The following INSR variants were observed in gnomAD, a reference collection of about 807,000 sequenced individuals.
The protein encoded by INSR is insulin receptor, also known as IR.
INSR carries 67 observed loss-of-function variants against 142.6 expected under a neutral mutation model. The observed-to-expected ratio is 0.47, with a 90% CI of 0.39 to 0.58. The LOEUF (loss-of-function observed/expected upper bound fraction) is 0.58. INSR is among the 20% of genes least tolerant of loss of function. The pLI is 0.00. For missense variants in INSR, 1,248 were observed against 1,833.2 expected (o/e 0.68, Z 5.83); for synonymous variants, 756 against 743.1 (o/e 1.02, Z -0.28).
intron 2 of INSR, among the ~76,000 whole-genome samples, chr19:7,205,414 A>T (rs1975081887): frequency 6.6e-6 from 1 of 152,198 alleles, no homozygotes; most frequent in Non-Finnish European, 1.5e-5. Context: ...CAGAGCACCA[A>T]ATGCCAACTT....
intron 11 of INSR, among the ~76,000 whole-genome samples, chr19:7,148,153 A>G (rs558681993): frequency 5.9e-5 from 9 of 152,200 alleles, no homozygotes; most frequent in Non-Finnish European, 1.3e-4. Context: ...ACCTCAGGTG[A>G]TCTGCCTGCC....
At chr19:7,276,338 G>C (rs959080248) in intron 1 of INSR, among the ~76,000 whole-genome samples, 2 of 151,922 alleles carry the variant, frequency 1.3e-5, no homozygotes, top group Non-Finnish European at 2.9e-5. Flanking sequence ...TAGAGATGGG[G>C]TTTCACCATG....
intron 2 of INSR, among the ~76,000 whole-genome samples, chr19:7,258,873 G>T (rs1976970990): frequency 6.7e-6 from 1 of 148,672 alleles, no homozygotes; most frequent in Non-Finnish European, 1.5e-5. Context: ...CATGTTGGCA[G>T]GGGCAAATTC....
chr19:7,225,066 G>C lies in INSR; in HGVS notation c.653-40429C>G, dbSNP rs1391295159. Among the ~76,000 whole-genome samples, 1 of 152,054 alleles carries C rather than the reference G, an allele frequency of 6.6e-6. No individual in the cohort carries two copies. The highest frequency in any genetic ancestry group is 1.9e-4 in the East Asian group (1 of 5,188). ...GAGAGAGGAGGGGAGAGGGGAGGTT[G>C]TGGCCACATGCTGTGTAACACTTAG... is the stretch of plus-strand genomic sequence containing the variant. On this transcript the variant is annotated intron_variant, in intron 2 of 21. Transcript: ENST00000302850. This position sits in a 1 kb window ranked among gnomAD's most constrained non-coding sequence, Gnocchi z 4.7.
At chr19:7,255,187 C>T (rs1333265775) in intron 2 of INSR, among the ~76,000 whole-genome samples, 1 of 152,212 alleles carries the variant, frequency 6.6e-6, no homozygotes, top group Non-Finnish European at 1.5e-5. Flanking sequence ...CCCACCAAAA[C>T]ACTTTCTGCC....
chr19:7,212,392 C>T (rs1249390747), intron 2 of INSR, among the ~76,000 whole-genome samples: 1 of 152,152 alleles, frequency 6.6e-6, no homozygotes, highest in Non-Finnish European at 1.5e-5. Context: ...CCAAGCCCTG[C>T]GATTCCCGCT....
chr19:7,197,260 G>C (rs892917461), intron 2 of INSR, among the ~76,000 whole-genome samples: 1 of 152,264 alleles, frequency 6.6e-6, no homozygotes, highest in Non-Finnish European at 1.5e-5. Context: ...GGCTAGAAAG[G>C]GAACAGAGTA....
intron 4 of INSR, among the ~76,000 whole-genome samples, chr19:7,173,388 G>C (rs1193384466): frequency 6.7e-6 from 1 of 148,712 alleles, no homozygotes; most frequent in East Asian, 2.0e-4. Context: ...GTGTGATCTC[G>C]GCTCACTGCA....
At chr19:7,200,210 G>A (rs1394483209) in intron 2 of INSR, among the ~76,000 whole-genome samples, 1 of 152,182 alleles carries the variant, frequency 6.6e-6, no homozygotes, top group Admixed American at 6.5e-5. Context: ...TCATTTTTCT[G>A]GCTTATGGTA....
intron 11 of INSR, among the ~76,000 whole-genome samples, chr19:7,146,840 A>C (rs546428190): frequency 6.6e-6 from 1 of 152,186 alleles, no homozygotes; most frequent in Non-Finnish European, 1.5e-5. Context: ...CAAGTGCACC[A>C]TTGTCCAAAG....
chr19:7,158,456 A>C (rs371088706), intron 9 of INSR, among the ~76,000 whole-genome samples: 145 of 152,230 alleles, frequency 9.5e-4, no homozygotes, highest in African/African-American at 2.9e-3. Context: ...AGCCGAGATC[A>C]CGCCACTGAA....
intron 2 of INSR, among the ~76,000 whole-genome samples, chr19:7,203,454 C>T (rs1023756678): frequency 6.6e-6 from 1 of 152,148 alleles, no homozygotes; most frequent in South Asian, 2.1e-4. Flanking sequence ...TCCATGGGAA[C>T]GAGGAAGTGG....
intron 11 of INSR, among the ~76,000 whole-genome samples, chr19:7,148,474 A>ATTTTTTTTTTTTTTTT (rs1568445065): frequency 2.0e-5 from 1 of 50,834 alleles, no homozygotes; most frequent in African/African-American, 8.8e-5. Flanking sequence ...TTATGTATTT[A>ATTTTTTTTTTTTTTTT]TTCTTTTTTT....
chr19:7,281,548 G>C (rs1291963172), intron 1 of INSR, among the ~76,000 whole-genome samples: 7 of 152,020 alleles, frequency 4.6e-5, no homozygotes. Flanking sequence ...AGGCATGGTG[G>C]TGCATGCCTG....
chr19:7,123,104 G>T, intron 17 of INSR, 115 bp from the exon 18 acceptor site: 2 of 775,566 alleles, frequency 2.6e-6, no homozygotes, highest in Non-Finnish European at 2.2e-6. Context: ...TGGATGCAGC[G>T]TGCTCAGCCC....
intron 2 of INSR, among the ~76,000 whole-genome samples, chr19:7,243,257 TTTTTTTG>T (rs1433644157): frequency 5.2e-5 from 7 of 135,640 alleles, no homozygotes; most frequent in East Asian, 2.3e-4. Context: ...TTTTTTTTTT[TTTTTTTG>T]AGATGCAGTC....
intron 2 of INSR, among the ~76,000 whole-genome samples, chr19:7,207,935 A>AGGAAGGAAGGAAGGAAGGAAG: frequency 2.5e-5 from 3 of 119,140 alleles, no homozygotes; most frequent in African/African-American, 6.6e-5. Context: ...GAAGGAAGGA[A>AGGAAGGAAGGAAGGAAGGAAG]GGAAGGGAAG....
chr19:7,195,383 G>A (rs550495941), intron 2 of INSR, among the ~76,000 whole-genome samples: 6 of 152,120 alleles, frequency 3.9e-5, no homozygotes, highest in South Asian at 4.1e-4. Flanking sequence ...TGGCTAACAC[G>A]TGTAATCCCA....
At chr19:7,274,082 C>T (rs760519567) in intron 1 of INSR, among the ~76,000 whole-genome samples, 1 of 152,018 alleles carries the variant, frequency 6.6e-6, no homozygotes, top group East Asian at 1.9e-4. Flanking sequence ...TGGTCCCCAA[C>T]CTTTTTGGCA....
Sources: gnomAD v4.1 joint callset for allele counts (sites outside exome capture counted in the v4.1 genomes callset) on GRCh38, gnomAD v4.1.1 for gene constraint, Gnocchi (gnomAD v3.1) non-coding constraint, MANE v1.5 for transcripts, NCBI Gene and HGNC (gene_info 2026-07-23, HGNC 2026-07-21) for gene names.